The following ERVMER34-1 variants were observed in gnomAD, a reference collection of about 807,000 sequenced individuals.
ERVMER34-1 encodes endogenous retrovirus group MER34 member 1, envelope.
For missense variants in ERVMER34-1, 471 were observed against 295.1 expected, an observed-to-expected ratio of 1.60 and a Z score of -4.37; for synonymous variants, 199 against 111.7, an observed-to-expected ratio of 1.78 and a Z score of -4.93.
intron 2 of ERVMER34-1, among the ~76,000 whole-genome samples, chr4:52,747,544 A>G (rs1012312308): frequency 5.9e-5 from 9 of 152,270 alleles, no homozygotes; most frequent in Non-Finnish European, 1.0e-4. Context: ...CTTCTTTCCC[A>G]TGGAGGTTAA....
intron 2 of ERVMER34-1, among the ~76,000 whole-genome samples, chr4:52,749,198 G>A (rs67533526): frequency 0.14 from 21,924 of 152,080 alleles, 1,659 homozygotes; most frequent in East Asian, 0.2. Flanking sequence ...GTTGGATCCC[G>A]TGGTATCAGG....
chr4:52,744,186 G>A lies in ERVMER34-1; in HGVS notation c.1335C>T (p.Cys445=). The part of the protein sequence containing the change: ...TACGTVGKQC[C]LYINYSEEIK... ...TTTCTTCCGAATAATTTATATAGAG[G>A]CAACACTGTTTGCCAACAGTTCCAC... Residue 445 remains cysteine (C), a synonymous_variant, in exon 3 of 3, where the codon TGC becomes TGT. Coordinates refer to ENST00000443173, the MANE Select transcript of ERVMER34-1 (RefSeq NM_001242690.2). 1.4e-6 allele frequency: 1 copy of A among 704,020 alleles called. No homozygotes were observed. The highest frequency in any genetic ancestry group is 1.5e-5 in the South Asian group (1 of 67,584). The allele number at this position is 704,020 out of a possible 1,614,324, so 43.6% of individuals were successfully genotyped here.
rs187242293 is a variant in ERVMER34-1 at position 52,749,602 on chromosome 4, A to C, written c.-424+1328T>G. Reference sequence around the variant, plus strand: ...CAGATCACCTGACGTCAGGAGTTTGAGACCAGCCTGGCCAACATGGTGAAA... The same window carrying C: ...CAGATCACCTGACGTCAGGAGTTTGCGACCAGCCTGGCCAACATGGTGAAA... On this transcript the variant is annotated intron_variant, in intron 2 of 2. Transcript: ENST00000443173. Among the ~76,000 whole-genome samples the C allele has an allele frequency of 1.6e-3, 237 of 152,274 alleles. 1 individual carries two copies. The highest frequency in any genetic ancestry group is 5.5e-3 in the African/African-American group (228 of 41,548).
intron 2 of ERVMER34-1, among the ~76,000 whole-genome samples, chr4:52,746,353 G>T (rs913983059): frequency 1.3e-5 from 2 of 152,140 alleles, no homozygotes; most frequent in Non-Finnish European, 2.9e-5. Flanking sequence ...CAAGGGTAAT[G>T]CTTCTGGCCG....
At position 52,744,190 on chromosome 4, in the gene ERVMER34-1, C is replaced by T. The variant is rs1716084157; in HGVS notation, c.1331G>A (p.Cys444Tyr). The change falls in exon 3 of 3, where the codon TGT becomes TAT. Residue 444 changes from cysteine (C) to tyrosine (Y), a missense_variant. Physicochemically the swap from Cys to Tyr is radical, Grantham distance 194. Transcript: ENST00000443173. ...QTACGTVGKQCCLYINYSEEI... is the reference protein window; with the variant it reads ...QTACGTVGKQYCLYINYSEEI... ...TTCCGAATAATTTATATAGAGGCAA[C>T]ACTGTTTGCCAACAGTTCCACAAGC... The T allele has an allele frequency of 2.8e-6, 2 of 704,118 alleles. No homozygotes were observed. The highest frequency in any genetic ancestry group is 5.2e-6 in the Non-Finnish European group (2 of 385,008). 43.6% of individuals were successfully genotyped at this position (704,118 alleles called of 1,614,324 possible). A position where few individuals can be genotyped will look rare whatever the true frequency, so the allele number is the denominator to read the frequency against.
chr4:52,745,000 T>A lies in ERVMER34-1; in HGVS notation c.521A>T (p.Asp174Val), dbSNP rs750607735. Residue 174 changes from aspartate to valine, a missense_variant, in exon 3 of 3, where the codon GAT (aspartate) becomes GTT (valine). By Grantham distance (152) the Asp-to-Val change is radical. Coordinates refer to ENST00000443173, the MANE Select transcript of ERVMER34-1 (RefSeq NM_001242690.2). Reference protein sequence around the residue: ...VTNESRNDDDDTSVCLGTRQC... With the variant: ...VTNESRNDDDVTSVCLGTRQC... Reference sequence around the variant, plus strand: ...TCTAGTGCCTAGGCAAACACTTGTATCATCATCATCGTTCCTGGATTCATT... The same window carrying A: ...TCTAGTGCCTAGGCAAACACTTGTAACATCATCATCGTTCCTGGATTCATT... The A allele has an allele frequency of 2.8e-6, 2 of 704,164 alleles. No individual in the cohort carries two copies. The highest frequency in any genetic ancestry group is 1.5e-5 in the South Asian group (1 of 67,600). The allele number at this position is 704,164 out of a possible 1,614,324, so 43.6% of individuals were successfully genotyped here. A position where few individuals can be genotyped will look rare whatever the true frequency, so the allele number is the denominator to read the frequency against.
Position 52,744,362 on chromosome 4 carries a change from C to A in ERVMER34-1, c.1159G>T (p.Ala387Ser), listed in dbSNP as rs1191217117. 2 of 703,906 alleles carry A rather than the reference C, an allele frequency of 2.8e-6. No individual in the cohort carries two copies. The highest frequency in any genetic ancestry group is 5.2e-6 in the Non-Finnish European group (2 of 385,000). 43.6% of individuals were successfully genotyped at this position (703,906 alleles called of 1,614,324 possible). A position where few individuals can be genotyped will look rare whatever the true frequency, so the allele number is the denominator to read the frequency against. Residue 387 changes from alanine to serine, a missense_variant, in exon 3 of 3, where the codon GCA becomes TCA. Coordinates refer to ENST00000443173, the MANE Select transcript of ERVMER34-1 (RefSeq NM_001242690.2). Reference sequence around the variant, plus strand: ...ATTGCTTTGGAAATGTTTAGAATTGCCTTTTCTAAATCATAAGTTCCCAAA... The same window carrying A: ...ATTGCTTTGGAAATGTTTAGAATTGACTTTTCTAAATCATAAGTTCCCAAA... ...PSLGTYDLEKAILNISKAMEQ... is the reference protein window; with the variant it reads ...PSLGTYDLEKSILNISKAMEQ...
rs944535248 is a variant in ERVMER34-1, at chr4:52,743,523, G to T, written c.*306C>A. On this transcript the variant is annotated 3_prime_UTR_variant, in exon 3 of 3. Coordinates refer to ENST00000443173, the MANE Select transcript of ERVMER34-1 (RefSeq NM_001242690.2). ...GTGTTTGGGGGCTTGCAAATTAACA[G>T]ATCAATAGAAAAAACATTTATTATA... The T allele has an allele frequency of 4.6e-6, 1 of 219,130 alleles. No homozygotes were observed. Among genetic ancestry groups the T allele is most frequent in the Non-Finnish European group, 8.9e-6 (1 of 112,260 alleles). 13.6% of individuals were successfully genotyped at this position (219,130 alleles called of 1,614,324 possible).
In ERVMER34-1 at chr4:52,747,464, C is replaced by A. The variant is rs370767557; in HGVS notation, c.-423-1521G>T. 2.0e-5 allele frequency among the ~76,000 whole-genome samples: 3 copies of A among 152,282 alleles called. No homozygotes were observed. In the East Asian group the frequency reaches 5.8e-4, roughly 29 times the overall value. On this transcript the variant is annotated intron_variant, in intron 2 of 2. Coordinates refer to ENST00000443173, the MANE Select transcript of ERVMER34-1 (RefSeq NM_001242690.2). ...CAAGTGCTATGCAACTAGGGGACAA[C>A]CTCTACAATTTGAAATCCATTGAAA...
rs1716108585 is a variant in ERVMER34-1, at chr4:52,744,840, GGT to G, written c.679_680del (p.Thr227LeufsTer4). On this transcript the variant is annotated frameshift_variant, in exon 3 of 3. Transcript: ENST00000443173. LOFTEE classifies it low-confidence loss of function (END_TRUNC). ...NSGLTWSGNDTCLYSCQNQTK... is the reference protein window; with the variant it reads ...NSGLTWSGNDXCLYSCQNQTK... ...TTTGGTTTTGGCAGCTATAGAGACA[GGT>G]GTCATTACCTGACCAGGTCAATCCA... is the stretch of plus-strand genomic sequence containing the variant. 4.3e-6 allele frequency: 3 copies of G among 704,004 alleles called. No homozygotes were observed. The highest frequency in any genetic ancestry group is 3.0e-5 in the South Asian group (2 of 67,606). 43.6% of individuals were successfully genotyped at this position (704,004 alleles called of 1,614,324 possible).
At chr4:52,747,651 G>A (rs1181406308) in intron 2 of ERVMER34-1, among the ~76,000 whole-genome samples, 1 of 152,126 alleles carries the variant, frequency 6.6e-6, no homozygotes, top group Non-Finnish European at 1.5e-5. Context: ...TGTCACCAAG[G>A]CCCGAATCTG....
rs1716057405 is a variant in ERVMER34-1 at position 52,743,147 on chromosome 4, T to G, written c.*682A>C. On this transcript the variant is annotated 3_prime_UTR_variant, in exon 3 of 3. Transcript: ENST00000443173. ...CACCTCAACACTCCCTGCATCCTAC[T>G]TCCACCTGCGGCCCATTTCATAAGA... is the stretch of plus-strand genomic sequence containing the variant. The G allele has an allele frequency of 6.6e-6, 1 of 152,104 alleles. No individual in the cohort carries two copies. The highest frequency in any genetic ancestry group is 2.4e-5 in the African/African-American group (1 of 41,396). The allele number at this position is 152,104 out of a possible 1,614,324, so 9.4% of individuals were successfully genotyped here. A position where few individuals can be genotyped will look rare whatever the true frequency, so the allele number is the denominator to read the frequency against.
chr4:52,749,862 T>C (rs901795007), intron 2 of ERVMER34-1, among the ~76,000 whole-genome samples: 1 of 152,122 alleles, frequency 6.6e-6, no homozygotes, highest in Admixed American at 6.5e-5. Flanking sequence ...AGCTATGACA[T>C]AGTGAGCTTG....
chr4:52,745,087 C>G lies in ERVMER34-1; in HGVS notation c.434G>C (p.Cys145Ser), dbSNP rs777413460. ...PFLGNIPKQY[C>S]NQILWFDSTD... ...AGAATCAAACCATAGTATTTGATTA[C>G]AGTATTGTTTAGGTATATTACCTAG... Residue 145 changes from cysteine to serine, a missense_variant, in exon 3 of 3, where the codon TGT (cysteine) becomes TCT (serine). Cys to Ser is a moderately radical substitution (Grantham distance 112). Coordinates refer to ENST00000443173, the MANE Select transcript of ERVMER34-1 (RefSeq NM_001242690.2). 1.3e-5 allele frequency: 9 copies of G among 704,002 alleles called. No homozygotes were observed. Among genetic ancestry groups the G allele is most frequent in the Non-Finnish European group, 2.1e-5 (8 of 384,996 alleles). The allele number at this position is 704,002 out of a possible 1,614,324, so 43.6% of individuals were successfully genotyped here. A position where few individuals can be genotyped will look rare whatever the true frequency, so the allele number is the denominator to read the frequency against.
Position 52,745,718 on chromosome 4 carries a change from GC to G in ERVMER34-1, c.-199del. ...GCTGTCTACTTCATCTGCTCATGGAGCCTGTGAGTAGGTGCCAAAATTCCTC... is the reference window on the plus strand; with the variant it reads ...GCTGTCTACTTCATCTGCTCATGGAGCTGTGAGTAGGTGCCAAAATTCCTC... On this transcript the variant is annotated 5_prime_UTR_variant, in exon 3 of 3. It removes the in-frame stop codon of an upstream open reading frame in the 5' UTR. Transcript: ENST00000443173. 1.0e-5 allele frequency: 6 copies of G among 578,582 alleles called. No individual in the cohort carries two copies. The allele number at this position is 578,582 out of a possible 1,614,324, so 35.8% of individuals were successfully genotyped here.
rs1271080862 is a variant in ERVMER34-1 at position 52,743,620 on chromosome 4, T to C, written c.*209A>G. On this transcript the variant is annotated 3_prime_UTR_variant, in exon 3 of 3. Transcript: ENST00000443173. The stretch of plus-strand genomic sequence containing the variant: ...GGTAAGGGTTTACAGATCAGCTTTA[T>C]GGTGTGTGTCTTAAGGCTTCAGAAT... The C allele has an allele frequency of 1.9e-6, 1 of 512,898 alleles. No individual in the cohort carries two copies. The highest frequency in any genetic ancestry group is 3.8e-5 in the South Asian group (1 of 26,264). 31.8% of individuals were successfully genotyped at this position (512,898 alleles called of 1,614,324 possible). A position where few individuals can be genotyped will look rare whatever the true frequency, so the allele number is the denominator to read the frequency against.
At position 52,745,457 on chromosome 4, in the gene ERVMER34-1, C is replaced by T. The variant is rs918786843; in HGVS notation, c.64G>A (p.Val22Ile). 2 of 703,848 alleles carry T rather than the reference C, an allele frequency of 2.8e-6. No homozygotes were observed. Among genetic ancestry groups the T allele is most frequent in the African/African-American group, 1.7e-5 (1 of 57,184 alleles). 43.6% of individuals were successfully genotyped at this position (703,848 alleles called of 1,614,324 possible). A position where few individuals can be genotyped will look rare whatever the true frequency, so the allele number is the denominator to read the frequency against. Residue 22 changes from valine to isoleucine, a missense_variant, in exon 3 of 3, where the codon GTA becomes ATA. Transcript: ENST00000443173. ...LTLTAFLTIL[V>I]QPQHLLAPVF... The stretch of plus-strand genomic sequence containing the variant: ...GGAGCAAGCAGGTGCTGAGGTTGTA[C>T]TAGAATTGTCAAAAAAGCAGTAAGG...
rs1716098874 is a variant in ERVMER34-1, at chr4:52,744,596, AC to A, written c.924del (p.Pro310HisfsTer23). 2 of 703,862 alleles carry A rather than the reference AC, an allele frequency of 2.8e-6. No homozygotes were observed. The highest frequency in any genetic ancestry group is 2.0e-5 in the Admixed American group (1 of 49,958). The allele number at this position is 703,862 out of a possible 1,614,324, so 43.6% of individuals were successfully genotyped here. ...FFLCGNGVYK[G>X]FPPKWSGRCG... is the part of the protein sequence containing the mutation. ...CATCGCCCAGACCATTTAGGTGGAA[AC>A]CCTTTGTACACCCCATTGCCGCACA... On this transcript the variant is annotated frameshift_variant, in exon 3 of 3. Coordinates refer to ENST00000443173, the MANE Select transcript of ERVMER34-1 (RefSeq NM_001242690.2). LOFTEE classifies it low-confidence loss of function (END_TRUNC).
At chr4:52,746,548 A>G (rs1716161220) in intron 2 of ERVMER34-1, among the ~76,000 whole-genome samples, 1 of 152,230 alleles carries the variant, frequency 6.6e-6, no homozygotes, top group Admixed American at 6.5e-5. Flanking sequence ...TCAATTCATA[A>G]AGGAATGCCA....
Sources: gnomAD v4.1 joint callset for allele counts (sites outside exome capture counted in the v4.1 genomes callset) on GRCh38, gnomAD v4.1.1 for gene constraint, MANE v1.5 for transcripts, NCBI Gene and HGNC (gene_info 2026-07-23, HGNC 2026-07-21) for gene names.